NXN: variants seen among roughly 807,000 people sequenced by gnomAD.
NXN encodes nucleoredoxin.
NXN carries 16 observed loss-of-function variants against 48.6 expected under a neutral mutation model. The observed-to-expected ratio is 0.33, with a 90% CI of 0.22 to 0.50. NXN has a LOEUF of 0.50. NXN is among the 20% of genes least tolerant of loss of function. The pLI is 0.98. For synonymous variants in NXN, 281 were observed against 269.6 expected (o/e 1.04, Z -0.41); for missense variants, 492 against 605.5 (o/e 0.81, Z 1.97).
intron 1 of NXN, among the ~76,000 whole-genome samples, chr17:913,262 T>A (rs898347155): frequency 8.0e-5 from 12 of 149,386 alleles, no homozygotes; most frequent in African/African-American, 2.9e-4. Context: ...AAGCCAACAG[T>A]TGATCACCAA....
chr17:822,728 T>C (rs1418891170), intron 3 of NXN, among the ~76,000 whole-genome samples: 4 of 152,118 alleles, frequency 2.6e-5, no homozygotes, highest in African/African-American at 7.2e-5. Context: ...CTCTTAATGG[T>C]GGGCATCTGG....
At chr17:950,749 C>T (rs2011831) in intron 1 of NXN, among the ~76,000 whole-genome samples, 2,349 of 152,164 alleles carry the variant, frequency 0.015, 33 homozygotes, top group Middle Eastern at 0.051. Context: ...CGGACGTGAG[C>T]AGGACCACAG....
At chr17:955,757 C>G (rs2069160895) in intron 1 of NXN, among the ~76,000 whole-genome samples, 1 of 151,906 alleles carries the variant, frequency 6.6e-6, no homozygotes, top group Non-Finnish European at 1.5e-5. Flanking sequence ...AAAAAATTAG[C>G]CGGGCGTGGT....
At chr17:924,297 C>T (rs367930147) in intron 1 of NXN, among the ~76,000 whole-genome samples, 3 of 152,268 alleles carry the variant, frequency 2.0e-5, no homozygotes, top group East Asian at 1.9e-4. Context: ...AGTGCAATGG[C>T]GCGATCTCGG....
intron 1 of NXN, among the ~76,000 whole-genome samples, chr17:950,384 G>T (rs539430999): frequency 6.6e-6 from 1 of 152,222 alleles, no homozygotes; most frequent in East Asian, 1.9e-4. Flanking sequence ...AACGAGAAAG[G>T]ATCCGAAGGC....
intron 1 of NXN, among the ~76,000 whole-genome samples, chr17:977,203 G>T (rs1027721280): frequency 6.6e-6 from 1 of 152,134 alleles, no homozygotes; most frequent in African/African-American, 2.4e-5. Flanking sequence ...ACCAAGGAAA[G>T]AAACTACCTC....
In NXN at chr17:925,534, G is replaced by A. The variant is rs999131048; in HGVS notation, c.360+53785C>T. ...CTCCCGAGTAGCTGGGATTACAGGC[G>A]CCCGCCACCATGTCTGGCTAGTTTT... On this transcript the variant is annotated intron_variant, in intron 1 of 7. Coordinates refer to ENST00000336868, the MANE Select transcript of NXN (RefSeq NM_022463.5). 3.3e-5 allele frequency among the ~76,000 whole-genome samples: 5 copies of A among 152,126 alleles called. No individual in the cohort carries two copies. In the East Asian group the frequency reaches 5.8e-4, roughly 18 times the overall value.
chr17:863,835 C>G (rs566598105), intron 1 of NXN: 1 of 834,082 alleles, frequency 1.2e-6, no homozygotes, highest in African/African-American at 1.7e-5. Flanking sequence ...TTCAAATCCA[C>G]GTCATTCAAG....
At chr17:854,577 C>A (rs1488057670) in intron 1 of NXN, among the ~76,000 whole-genome samples, 2 of 151,004 alleles carry the variant, frequency 1.3e-5, no homozygotes, top group Non-Finnish European at 2.9e-5. Flanking sequence ...ATGGCATGAA[C>A]CCGAGAGGAG....
intron 1 of NXN, among the ~76,000 whole-genome samples, chr17:848,880 T>C (rs2067893828): frequency 6.6e-6 from 1 of 152,194 alleles, no homozygotes; most frequent in Admixed American, 6.5e-5. Context: ...TTTTTCTGGA[T>C]AGGCCAAGTA....
At chr17:861,190 G>A (rs1386132297) in intron 1 of NXN, among the ~76,000 whole-genome samples, 1 of 152,170 alleles carries the variant, frequency 6.6e-6, no homozygotes, top group East Asian at 1.9e-4. Flanking sequence ...CTGGAATGCA[G>A]TGGCACCATC....
rs1389669263 is a variant in NXN at position 849,873 on chromosome 17, G to C, written c.361-23795C>G. On this transcript the variant is annotated intron_variant, in intron 1 of 7. Coordinates refer to ENST00000336868, the MANE Select transcript of NXN (RefSeq NM_022463.5). This position sits in a 1 kb window ranked among gnomAD's most constrained non-coding sequence, Gnocchi z 4.2. ...ATAAGGAGGGGCAGGAGAGACACCA[G>C]AGTCAGAGAGGAGCGAACGAGAGAA... 2.0e-5 allele frequency among the ~76,000 whole-genome samples: 3 copies of C among 152,142 alleles called. No individual in the cohort carries two copies. The highest frequency in any genetic ancestry group is 4.4e-5 in the Non-Finnish European group (3 of 68,030).
At chr17:882,455 C>G (rs1321696275) in intron 1 of NXN, among the ~76,000 whole-genome samples, 1 of 86,892 alleles carries the variant, frequency 1.2e-5, no homozygotes, top group Non-Finnish European at 2.3e-5. Flanking sequence ...GCAGGGGTTT[C>G]TTTTGTTTGT....
At chr17:934,931 A>G (rs1327479980) in intron 1 of NXN, among the ~76,000 whole-genome samples, 1 of 152,054 alleles carries the variant, frequency 6.6e-6, no homozygotes, top group East Asian at 1.9e-4. Context: ...GTCTGGACAG[A>G]GTCCTCACTT....
chr17:805,023 C>CCCCCCCCCCCCCCCCCCCCCCCCCCA, intron 6 of NXN, 45 bp downstream of exon 6: 1 of 1,505,612 alleles, frequency 6.6e-7, no homozygotes, highest in Non-Finnish European at 9.0e-7. Flanking sequence ...CCTCCTGTCC[C>CCCCCCCCCCCCCCCCCCCCCCCCCCA]GCCCCCCAGC....
At chr17:922,996 G>C (rs771050268) in intron 1 of NXN, among the ~76,000 whole-genome samples, 7 of 152,022 alleles carry the variant, frequency 4.6e-5, no homozygotes, top group African/African-American at 1.4e-4. Context: ...CCCAGGGCCT[G>C]AGCTGGGAGC....
intron 1 of NXN, among the ~76,000 whole-genome samples, chr17:940,162 G>A (rs2068955303): frequency 6.6e-6 from 1 of 151,784 alleles, no homozygotes; most frequent in Non-Finnish European, 1.5e-5. Flanking sequence ...TCCCCAGGCT[G>A]GCCTCAGGTG....
intron 1 of NXN, among the ~76,000 whole-genome samples, chr17:916,171 T>C (rs2068687079): frequency 1.3e-5 from 2 of 152,194 alleles, no homozygotes; most frequent in Admixed American, 1.3e-4. Flanking sequence ...CCCACTTTGC[T>C]AGAAATCCTG....
In NXN at chr17:804,072, G is replaced by T. The variant is rs537190618; in HGVS notation, c.1001-266C>A. On this transcript the variant is annotated intron_variant, in intron 6 of 7. Transcript: ENST00000336868. ...CTCACTGAGCAGCTCTGCTCTCCCA[G>T]GTAGACAGTCTTCCCATTGAATTCC... is the stretch of plus-strand genomic sequence containing the variant. 10 of 429,358 alleles carry T rather than the reference G, an allele frequency of 2.3e-5. No homozygotes were observed. In the South Asian group the frequency reaches 3.1e-4, roughly 13 times the overall value. 26.6% of individuals were successfully genotyped at this position (429,358 alleles called of 1,614,324 possible).
Sources: gnomAD v4.1 joint callset for allele counts (sites outside exome capture counted in the v4.1 genomes callset) on GRCh38, gnomAD v4.1.1 for gene constraint, Gnocchi (gnomAD v3.1) non-coding constraint, MANE v1.5 for transcripts, NCBI Gene and HGNC (gene_info 2026-07-23, HGNC 2026-07-21) for gene names.